ZC3H3: variants seen among roughly 807,000 people sequenced by gnomAD.
The protein encoded by ZC3H3 is zinc finger CCCH-type containing 3.
ZC3H3 carries 36 observed loss-of-function variants against 77.3 expected under a neutral mutation model. The ratio of observed to expected loss-of-function variants is 0.47; its 90% CI spans 0.36 to 0.61. ZC3H3 has a LOEUF of 0.61. ZC3H3 is among the 20% of genes least tolerant of loss of function. The probability of loss-of-function intolerance (pLI) is 0.00; values close to 1 mark genes in which losing one functional copy is unlikely to be tolerated. For synonymous variants in ZC3H3, 626 were observed against 555.2 expected, an observed-to-expected ratio of 1.13 and a Z score of -1.79; for missense variants, 1,331 against 1,312.2, an observed-to-expected ratio of 1.01 and a Z score of -0.22.
chr8:143,504,910 C>T (rs146361840), intron 4 of ZC3H3, among the ~76,000 whole-genome samples: 3 of 152,338 alleles, frequency 2.0e-5, no homozygotes, highest in South Asian at 2.1e-4. Context: ...GCTCCATGCT[C>T]GGAACTCGCG....
Position 143,539,004 on chromosome 8 carries a change from C to G in ZC3H3, c.363G>C (p.Gln121His). 6.2e-7 allele frequency: 1 copy of G among 1,613,096 alleles called. No homozygotes were observed. Among genetic ancestry groups the G allele is most frequent in the Non-Finnish European group, 8.5e-7 (1 of 1,180,034 alleles). The change falls in exon 2 of 12, where the codon CAG becomes CAC. Residue 121 changes from glutamine to histidine, a missense_variant. By Grantham distance (24) the Gln-to-His change is conservative (BLOSUM62 0). This residue lies in a region of ZC3H3 where 978 missense variants were observed against 915.5 expected (regional missense o/e 1.07). Transcript: ENST00000262577. Reference protein sequence around the residue: ...LERQVQLSQGQNVVIKVKPPS... With the variant: ...LERQVQLSQGHNVVIKVKPPS... ...GCGGTTTAACTTTGATGACCACGTT[C>G]TGACCCTGACTGAGCTGGACCTGTC...
At position 143,475,434 on chromosome 8, in the gene ZC3H3, G is replaced by T; in HGVS notation, c.1867C>A (p.Pro623Thr). 6.2e-7 allele frequency: 1 copy of T among 1,613,092 alleles called. No homozygotes were observed. Among genetic ancestry groups the T allele is most frequent in the Non-Finnish European group, 8.5e-7 (1 of 1,179,900 alleles). Residue 623 changes from proline (P) to threonine (T), a missense_variant, in exon 5 of 12, where the codon CCC (proline) becomes ACC (threonine). Physicochemically the swap from Pro to Thr is conservative, Grantham distance 38. Coordinates refer to ENST00000262577, the MANE Select transcript of ZC3H3 (RefSeq NM_015117.3). ...ANKLSKTSGQ[P>T]SDAGSRPLLR... ...AGGGGCCTGCTGCCCGCATCACTGG[G>T]CTGGCCGGAGGTCTTGGAGAGCTTG...
At chr8:143,471,638 G>A (rs1820567460) in intron 5 of ZC3H3, among the ~76,000 whole-genome samples, 1 of 152,240 alleles carries the variant, frequency 6.6e-6, no homozygotes, top group African/African-American at 2.4e-5. Context: ...GCCTTCAGGT[G>A]GCAGGCGGGC....
intron 3 of ZC3H3, among the ~76,000 whole-genome samples, chr8:143,520,940 C>G (rs942069598): frequency 6.6e-6 from 1 of 152,222 alleles, no homozygotes; most frequent in Non-Finnish European, 1.5e-5. Flanking sequence ...GTTTCTGGCC[C>G]GTATACCCAG....
chr8:143,495,692 C>T (rs369696572), intron 4 of ZC3H3, among the ~76,000 whole-genome samples: 2 of 152,076 alleles, frequency 1.3e-5, no homozygotes, highest in East Asian at 3.8e-4. Flanking sequence ...AGCGATCCTC[C>T]TGACTCAGCC....
chr8:143,451,414 C>T (rs961526639), intron 9 of ZC3H3, among the ~76,000 whole-genome samples: 6 of 152,040 alleles, frequency 3.9e-5, no homozygotes, highest in East Asian at 1.9e-4. Flanking sequence ...AAACTCTAGA[C>T]GCGACAAAGG....
chr8:143,534,770 T>A (rs1822739079), intron 3 of ZC3H3, among the ~76,000 whole-genome samples: 1 of 152,156 alleles, frequency 6.6e-6, no homozygotes, highest in African/African-American at 2.4e-5. Context: ...AGGGACCGCA[T>A]GGGTCTCTGC....
Position 143,538,830 on chromosome 8 carries a change from G to T in ZC3H3, c.537C>A (p.Ala179=), listed in dbSNP as rs1374697087. The change falls in exon 2 of 12, where the codon GCC becomes GCA. Residue 179 remains alanine (A), a synonymous_variant. Coordinates refer to ENST00000262577, the MANE Select transcript of ZC3H3 (RefSeq NM_015117.3). The part of the protein sequence containing the change: ...GQLQPSRPTR[A]RGTCSVEDPL... Reference sequence around the variant, plus strand: ...GATCTTCCACACTGCAGGTCCCCCTGGCTCTTGTTGGCCTCGAGGGCTGCA... The same window carrying T: ...GATCTTCCACACTGCAGGTCCCCCTTGCTCTTGTTGGCCTCGAGGGCTGCA... 1 of 1,612,252 alleles carries T rather than the reference G, an allele frequency of 6.2e-7. No individual in the cohort carries two copies. Among genetic ancestry groups the T allele is most frequent in the African/African-American group, 1.3e-5 (1 of 75,040 alleles).
chr8:143,458,966 A>G (rs1820189035), intron 9 of ZC3H3, among the ~76,000 whole-genome samples: 1 of 152,354 alleles, frequency 6.6e-6, no homozygotes, highest in South Asian at 2.1e-4. Flanking sequence ...CAAGAAAAAA[A>G]AAAAGAAAAA....
chr8:143,485,994 C>A (rs1169758377), intron 4 of ZC3H3, among the ~76,000 whole-genome samples: 1 of 152,252 alleles, frequency 6.6e-6, no homozygotes, highest in Non-Finnish European at 1.5e-5. Flanking sequence ...TGCTGGCAGG[C>A]TGGGACAGCT....
intron 3 of ZC3H3, among the ~76,000 whole-genome samples, chr8:143,520,260 G>T (rs1355779889): frequency 6.6e-6 from 1 of 152,232 alleles, no homozygotes; most frequent in East Asian, 1.9e-4. Flanking sequence ...CTTCAGCAGG[G>T]GACTGATGTC....
At chr8:143,439,401 G>C (rs561494428) in intron 11 of ZC3H3, among the ~76,000 whole-genome samples, 1 of 152,216 alleles carries the variant, frequency 6.6e-6, no homozygotes. Context: ...TTTGCAGCCC[G>C]CCGAGCTGCG....
chr8:143,494,758 C>T lies in ZC3H3; in HGVS notation c.1715+12988G>A, dbSNP rs916611798. Reference sequence around the variant, plus strand: ...AAAGGCCTCATTCCACCAGGTAAGGCTGGCTCAGCAAGGTGGGGAAGGGGG... The same window carrying T: ...AAAGGCCTCATTCCACCAGGTAAGGTTGGCTCAGCAAGGTGGGGAAGGGGG... On this transcript the variant is annotated intron_variant, in intron 4 of 11. Transcript: ENST00000262577. This position sits in a 1 kb window ranked among gnomAD's most constrained non-coding sequence, Gnocchi z 5.3. 3.3e-5 allele frequency among the ~76,000 whole-genome samples: 5 copies of T among 152,180 alleles called. No homozygotes were observed. Among genetic ancestry groups the T allele is most frequent in the African/African-American group, 1.2e-4 (5 of 41,448 alleles).
chr8:143,528,098 G>C (rs930166315), intron 3 of ZC3H3, among the ~76,000 whole-genome samples: 1 of 152,154 alleles, frequency 6.6e-6, no homozygotes, highest in African/African-American at 2.4e-5. Flanking sequence ...GAGAGTCTCC[G>C]GCCCCTCTGG....
At chr8:143,500,893 A>C (rs1437551528) in intron 4 of ZC3H3, among the ~76,000 whole-genome samples, 2 of 149,184 alleles carry the variant, frequency 1.3e-5, no homozygotes, top group Non-Finnish European at 3.0e-5. Flanking sequence ...CGCTCACTGC[A>C]ACCTCTGCAT....
intron 9 of ZC3H3, among the ~76,000 whole-genome samples, chr8:143,443,251 C>T (rs190743405): frequency 7.1e-6 from 1 of 141,732 alleles, no homozygotes; most frequent in Non-Finnish European, 1.5e-5. Flanking sequence ...CACCACTGCA[C>T]TCCAGCCTGG....
At chr8:143,461,975 CTTT>C (rs76981079) in intron 9 of ZC3H3, among the ~76,000 whole-genome samples, 1 of 140,726 alleles carries the variant, frequency 7.1e-6, no homozygotes. Context: ...AGTTAAGCTG[CTTT>C]TTTTTTTTTT....
intron 9 of ZC3H3, among the ~76,000 whole-genome samples, chr8:143,441,967 C>T (rs1819754070): frequency 6.6e-6 from 1 of 152,316 alleles, no homozygotes; most frequent in East Asian, 1.9e-4. Context: ...CTGTGACAAG[C>T]TCCAAGAGTG....
intron 9 of ZC3H3, among the ~76,000 whole-genome samples, chr8:143,442,272 C>G (rs773299950): frequency 6.6e-6 from 1 of 152,074 alleles, no homozygotes; most frequent in Non-Finnish European, 1.5e-5. Flanking sequence ...TCATTCATTC[C>G]TGCGACACGG....
Sources: gnomAD v4.1 joint callset for allele counts (sites outside exome capture counted in the v4.1 genomes callset) on GRCh38, gnomAD v4.1.1 for gene constraint, gnomAD v4.1.1 regional missense constraint, Gnocchi (gnomAD v3.1) non-coding constraint, MANE v1.5 for transcripts, NCBI Gene and HGNC (gene_info 2026-07-23, HGNC 2026-07-21) for gene names.